The following SCAPER variants were observed in gnomAD, a reference collection of about 807,000 sequenced individuals.
SCAPER encodes S phase cyclin A-associated protein in the endoplasmic reticulum.
Under a neutral mutation model 182.2 loss-of-function variants are expected in SCAPER, and 98 were observed. The observed-to-expected ratio is 0.54, with a 90% confidence interval of 0.46 to 0.64. The LOEUF is 0.64. Ranked by LOEUF, SCAPER falls within the 30% of genes least tolerant of loss-of-function variation. The probability of loss-of-function intolerance (pLI) is 0.00; values close to 1 mark genes in which losing one functional copy is unlikely to be tolerated. For missense variants in SCAPER, 1,432 were observed against 1,690.0 expected (o/e 0.85, Z 2.68); for synonymous variants, 605 against 564.6 (o/e 1.07, Z -1.01).
At chr15:76,481,766 G>A (rs930139465) in intron 24 of SCAPER, among the ~76,000 whole-genome samples, 4 of 152,176 alleles carry the variant, frequency 2.6e-5, no homozygotes, top group African/African-American at 9.7e-5. Flanking sequence ...TCACCTAAGT[G>A]TGTATCTCCA....
At chr15:76,846,767 G>A (rs1318814566) in intron 4 of SCAPER, among the ~76,000 whole-genome samples, 1 of 152,112 alleles carries the variant, frequency 6.6e-6, no homozygotes, top group African/African-American at 2.4e-5. Flanking sequence ...ATGTAAATTA[G>A]TATAACCAAT....
chr15:76,629,063 C>T (rs1250125392), intron 21 of SCAPER, among the ~76,000 whole-genome samples: 2 of 152,200 alleles, frequency 1.3e-5, no homozygotes, highest in Admixed American at 6.5e-5. Context: ...CATGATTTGG[C>T]TCTCTGCCTA....
At chr15:76,783,799 A>C (rs2064355807) in intron 8 of SCAPER, among the ~76,000 whole-genome samples, 1 of 152,220 alleles carries the variant, frequency 6.6e-6, no homozygotes, top group African/African-American at 2.4e-5. Context: ...AATTATCTCA[A>C]TAGATACAGA....
chr15:76,654,996 T>C (rs1035375096), intron 21 of SCAPER, among the ~76,000 whole-genome samples: 2 of 152,188 alleles, frequency 1.3e-5, no homozygotes, highest in Admixed American at 6.5e-5. Flanking sequence ...AGCCAGAGTA[T>C]CTTCTTACCT....
intron 21 of SCAPER, among the ~76,000 whole-genome samples, chr15:76,645,309 C>T (rs569790797): frequency 3.9e-5 from 6 of 152,184 alleles, no homozygotes; most frequent in East Asian, 1.9e-4. Context: ...CTGATACATT[C>T]GTAAGCATAT....
intron 26 of SCAPER, among the ~76,000 whole-genome samples, chr15:76,415,458 AAC>A (rs2045582767): frequency 6.6e-6 from 1 of 152,200 alleles, no homozygotes; most frequent in Admixed American, 6.5e-5. Context: ...AAAAGGAATA[AAC>A]TATTGCCCTG....
intron 26 of SCAPER, among the ~76,000 whole-genome samples, chr15:76,410,802 G>A (rs1373083525): frequency 7.0e-6 from 1 of 142,572 alleles, no homozygotes; most frequent in South Asian, 2.2e-4. Flanking sequence ...TTTTTCTGTT[G>A]TACTTCTCCT....
chr15:76,358,296 T>C (rs891973701), intron 29 of SCAPER, among the ~76,000 whole-genome samples: 1 of 152,228 alleles, frequency 6.6e-6, no homozygotes, highest in Admixed American at 6.5e-5. Flanking sequence ...ATAGCTCCCC[T>C]TTTGGTCTTC....
intron 14 of SCAPER, among the ~76,000 whole-genome samples, chr15:76,760,218 C>T (rs182908778): frequency 2.3e-4 from 35 of 152,290 alleles, no homozygotes; most frequent in Admixed American, 2.2e-3. Flanking sequence ...AATCACAAGT[C>T]CCAAGTTCTG....
intron 26 of SCAPER, among the ~76,000 whole-genome samples, chr15:76,406,480 GA>G (rs369794653): frequency 6.7e-6 from 1 of 150,246 alleles, no homozygotes; most frequent in African/African-American, 2.4e-5. Flanking sequence ...TCCATCTCAA[GA>G]AAAAAAAATC....
intron 21 of SCAPER, among the ~76,000 whole-genome samples, chr15:76,643,185 A>G (rs1025682996): frequency 2.6e-5 from 4 of 152,156 alleles, no homozygotes; most frequent in Non-Finnish European, 2.9e-5. Flanking sequence ...CCCTCACATC[A>G]GGACATCCAC....
intron 25 of SCAPER, among the ~76,000 whole-genome samples, chr15:76,441,053 C>T (rs1039481871): frequency 3.3e-5 from 5 of 151,238 alleles, no homozygotes; most frequent in African/African-American, 4.9e-5. Flanking sequence ...TCCTGAGTAG[C>T]TGGGACTACA....
At chr15:76,803,031 C>T (rs956981473) in intron 6 of SCAPER, among the ~76,000 whole-genome samples, 1 of 152,134 alleles carries the variant, frequency 6.6e-6, no homozygotes, top group Non-Finnish European at 1.5e-5. Context: ...TGTCAACCTT[C>T]CCACATGGCA....
chr15:76,678,607 G>C (rs1331809534), intron 20 of SCAPER, among the ~76,000 whole-genome samples: 1 of 152,036 alleles, frequency 6.6e-6, no homozygotes, highest in South Asian at 2.1e-4. Flanking sequence ...AAGAGGGTGA[G>C]AGAAGTAAAA....
intron 20 of SCAPER, among the ~76,000 whole-genome samples, chr15:76,674,603 T>G (rs913932777): frequency 2.6e-5 from 4 of 152,250 alleles, no homozygotes; most frequent in South Asian, 2.1e-4. Context: ...TAACAACAGC[T>G]CTAATCATGA....
rs552791307 is a variant in SCAPER at position 76,786,881 on chromosome 15, C to A, written c.772+8399G>T. Among the ~76,000 whole-genome samples, 8 of 152,176 alleles carry A rather than the reference C, an allele frequency of 5.3e-5. No individual in the cohort carries two copies. In the South Asian group the frequency reaches 1.7e-3, roughly 32 times the overall value. On this transcript the variant is annotated intron_variant, in intron 8 of 31. Transcript: ENST00000563290. ...AAATGTGTGGAAATTAAATTTAAAA[C>A]TTATAATCGCAAAAAGAAAATGAAA...
chr15:76,753,818 T>C lies in SCAPER; in HGVS notation c.1856A>G (p.Glu619Gly). The C allele has an allele frequency of 6.2e-7, 1 of 1,612,570 alleles. No homozygotes were observed. The highest frequency in any genetic ancestry group is 8.5e-7 in the Non-Finnish European group (1 of 1,179,070). ...LQAIVKKAQE[E>G]EAKVNEIAFI... Reference sequence around the variant, plus strand: ...GCTCTTATGATATACCTTAGCTTCTTCTTCTTGTGCTTTTTTCACAATTGC... The same window carrying C: ...GCTCTTATGATATACCTTAGCTTCTCCTTCTTGTGCTTTTTTCACAATTGC... Residue 619 changes from glutamate to glycine, a missense_variant, in exon 15 of 32, where the codon GAA (glutamate) becomes GGA (glycine). Physicochemically the swap from Glu to Gly is moderately conservative, Grantham distance 98 (BLOSUM62 -2). Transcript: ENST00000563290.
chr15:76,637,670 C>T (rs548536665), intron 21 of SCAPER, among the ~76,000 whole-genome samples: 3 of 150,236 alleles, frequency 2.0e-5, no homozygotes, highest in Admixed American at 2.0e-4. Context: ...GGCAACACTG[C>T]ATACCAGCCT....
intron 24 of SCAPER, among the ~76,000 whole-genome samples, chr15:76,496,755 C>T (rs557012005): frequency 3.0e-4 from 46 of 152,170 alleles, no homozygotes; most frequent in African/African-American, 1.1e-3. Context: ...CTACTTTAAA[C>T]GGTGGGCATT....
Sources: allele counts gnomAD v4.1 joint callset (sites outside exome capture counted in the v4.1 genomes callset), GRCh38; gene constraint gnomAD v4.1.1; transcripts MANE v1.5; gene names NCBI Gene and HGNC (gene_info 2026-07-23, HGNC 2026-07-21).